The following MARCHF3 variants were observed in gnomAD, a reference collection of about 807,000 sequenced individuals.
The protein encoded by MARCHF3 is membrane associated ring-CH-type finger 3.
Under a neutral mutation model 24.2 loss-of-function variants are expected in MARCHF3, and 13 were observed. The ratio of observed to expected loss-of-function variants is 0.54; its 90% confidence interval spans 0.35 to 0.85. The LOEUF (loss-of-function observed/expected upper bound fraction) is 0.85, where lower values mean the gene tolerates loss of function less well. MARCHF3 is among the 40% of genes least tolerant of loss of function. The pLI, the probability that MARCHF3 is intolerant of heterozygous loss-of-function variation, is 0.01. For missense variants in MARCHF3, 276 were observed against 325.0 expected, an observed-to-expected ratio of 0.85 and a Z score of 1.16; for synonymous variants, 144 against 137.3, an observed-to-expected ratio of 1.05 and a Z score of -0.34.
intron 1 of MARCHF3, among the ~76,000 whole-genome samples, chr5:127,027,824 A>G (rs1444925939): frequency 6.6e-6 from 1 of 152,226 alleles, no homozygotes; most frequent in African/African-American, 2.4e-5. Context: ...TCATTAACAC[A>G]ATTCCAGTGT....
chr5:127,026,602 G>A (rs529715180), intron 1 of MARCHF3, among the ~76,000 whole-genome samples: 6 of 152,298 alleles, frequency 3.9e-5, no homozygotes, highest in East Asian at 1.9e-4. Context: ...TGATATGAAC[G>A]ACTAAGCATA....
At chr5:126,929,116 C>T (rs1165920292) in intron 1 of MARCHF3, among the ~76,000 whole-genome samples, 1 of 152,204 alleles carries the variant, frequency 6.6e-6, no homozygotes, top group Non-Finnish European at 1.5e-5. Flanking sequence ...TCGGCCTCTC[C>T]CTTTCTTCCC....
At chr5:126,939,063 G>A (rs1749740362) in intron 1 of MARCHF3, among the ~76,000 whole-genome samples, 1 of 152,206 alleles carries the variant, frequency 6.6e-6, no homozygotes, top group African/African-American at 2.4e-5. Flanking sequence ...AAGATTGCCA[G>A]AGGTTTCTCC....
intron 1 of MARCHF3, among the ~76,000 whole-genome samples, chr5:127,015,496 C>A (rs757860482): frequency 6.6e-6 from 1 of 152,122 alleles, no homozygotes; most frequent in Non-Finnish European, 1.5e-5. Flanking sequence ...ATGACACCAC[C>A]CACAGAATGA....
At chr5:127,011,271 G>A (rs1408849563) in intron 1 of MARCHF3, among the ~76,000 whole-genome samples, 1 of 152,164 alleles carries the variant, frequency 6.6e-6, no homozygotes, top group Non-Finnish European at 1.5e-5. Flanking sequence ...CTTCTGTGAA[G>A]GACTAATGCT....
chr5:126,895,283 A>T (rs1753838570), intron 3 of MARCHF3, among the ~76,000 whole-genome samples: 1 of 152,040 alleles, frequency 6.6e-6, no homozygotes, highest in African/African-American at 2.4e-5. Flanking sequence ...GAGTAATTTG[A>T]TCGTCTGAAG....
chr5:126,906,355 CTT>C (rs1754296304), intron 3 of MARCHF3, among the ~76,000 whole-genome samples: 2 of 152,222 alleles, frequency 1.3e-5, no homozygotes, highest in Admixed American at 6.5e-5. Flanking sequence ...AGGATTCCCT[CTT>C]TGTCTATTGA....
intron 1 of MARCHF3, among the ~76,000 whole-genome samples, chr5:126,981,640 G>A (rs1751397180): frequency 6.6e-6 from 1 of 152,230 alleles, no homozygotes; most frequent in Non-Finnish European, 1.5e-5. Flanking sequence ...TTACATACAT[G>A]TTTAGTTTGA....
chr5:126,880,825 C>G (rs1196775859), intron 3 of MARCHF3, among the ~76,000 whole-genome samples: 1 of 152,206 alleles, frequency 6.6e-6, no homozygotes, highest in Non-Finnish European at 1.5e-5. Context: ...CTTCTCTGTA[C>G]TTCCATTTTG....
At chr5:126,982,272 A>C (rs1751420115) in intron 1 of MARCHF3, among the ~76,000 whole-genome samples, 1 of 152,174 alleles carries the variant, frequency 6.6e-6, no homozygotes, top group Non-Finnish European at 1.5e-5. Flanking sequence ...ACAGCACAGC[A>C]GTTCATGTCT....
At chr5:127,008,036 C>A (rs1752362318) in intron 1 of MARCHF3, among the ~76,000 whole-genome samples, 1 of 152,086 alleles carries the variant, frequency 6.6e-6, no homozygotes. Context: ...AACACATGGC[C>A]TTCTAGTCTA....
rs554258655 is a variant in MARCHF3 at position 126,931,594 on chromosome 5, C to T, written c.-56-13367G>A. 4.6e-5 allele frequency among the ~76,000 whole-genome samples: 7 copies of T among 152,054 alleles called. No homozygotes were observed. The East Asian group carries it at 1.4e-3, about 29-fold the overall frequency. On this transcript the variant is annotated intron_variant, in intron 1 of 4. Transcript: ENST00000308660. ...ATACACACACACACACACACACACA[C>T]ACACACACACACACACAGGCTCTAT...
intron 1 of MARCHF3, among the ~76,000 whole-genome samples, chr5:126,927,070 C>T (rs188775115): frequency 6.6e-6 from 1 of 152,306 alleles, no homozygotes; most frequent in Non-Finnish European, 1.5e-5. Flanking sequence ...GGAACTCCCC[C>T]TGGAATTACT....
intron 1 of MARCHF3, among the ~76,000 whole-genome samples, chr5:126,964,468 G>A (rs1750738768): frequency 6.6e-6 from 1 of 152,190 alleles, no homozygotes. Context: ...AAGGCCCTAA[G>A]AGCAAGTGCA....
At chr5:126,890,687 T>C (rs1034847160) in intron 3 of MARCHF3, among the ~76,000 whole-genome samples, 15 of 151,456 alleles carry the variant, frequency 9.9e-5, no homozygotes, top group African/African-American at 3.4e-4. Flanking sequence ...CAGTCTATCA[T>C]TGTTGGACAT....
intron 1 of MARCHF3, among the ~76,000 whole-genome samples, chr5:127,012,766 G>A (rs888201662): frequency 6.6e-6 from 1 of 152,228 alleles, no homozygotes; most frequent in Non-Finnish European, 1.5e-5. Context: ...ACTAGGCAAA[G>A]TAAAATTGTC....
At chr5:126,929,694 A>G (rs73337215) in intron 1 of MARCHF3, among the ~76,000 whole-genome samples, 2,371 of 152,218 alleles carry the variant, frequency 0.016, 57 homozygotes, top group African/African-American at 0.051. Context: ...TGTTTATACT[A>G]TTTGATATGG....
At chr5:126,892,956 A>T (rs895282159) in intron 3 of MARCHF3, among the ~76,000 whole-genome samples, 6 of 151,700 alleles carry the variant, frequency 4.0e-5, no homozygotes, top group African/African-American at 1.2e-4. Flanking sequence ...GATTATTGCC[A>T]CAATTTCAGA....
chr5:127,005,472 C>T (rs73337289), intron 1 of MARCHF3, among the ~76,000 whole-genome samples: 2,449 of 152,104 alleles, frequency 0.016, 65 homozygotes, highest in African/African-American at 0.053. Flanking sequence ...TATGTTACCA[C>T]GTGATCCTGG....
Sources: allele counts gnomAD v4.1 joint callset (sites outside exome capture counted in the v4.1 genomes callset), GRCh38; gene constraint gnomAD v4.1.1; transcripts MANE v1.5; gene names NCBI Gene and HGNC (gene_info 2026-07-23, HGNC 2026-07-21).